The following MMRN1 variants were observed in gnomAD, a reference collection of about 807,000 sequenced individuals.
MMRN1 encodes multimerin-1.
A neutral mutation model predicts 100.7 loss-of-function variants in MMRN1; 94 were observed. That is an observed-to-expected ratio of 0.93 (90% confidence interval 0.79 to 1.11). MMRN1 has a LOEUF of 1.11. MMRN1 is among the 50% of genes least tolerant of loss of function. MMRN1 has a pLI of 0.00. For missense variants in MMRN1, 1,606 were observed against 1,439.1 expected (o/e 1.12, Z -1.88); for synonymous variants, 575 against 505.0 (o/e 1.14, Z -1.86).
intron 3 of MMRN1, among the ~76,000 whole-genome samples, chr4:89,917,477 C>T (rs983395484): frequency 1.3e-4 from 19 of 151,850 alleles, no homozygotes; most frequent in African/African-American, 4.6e-4. Flanking sequence ...GTATATAAAT[C>T]AAAAATTAAG....
intron 3 of MMRN1, among the ~76,000 whole-genome samples, chr4:89,918,579 T>C (rs1721993365): frequency 6.6e-6 from 1 of 151,900 alleles, no homozygotes; most frequent in Non-Finnish European, 1.5e-5. Flanking sequence ...TTTTATTGTC[T>C]CTTCTTTATT....
At chr4:89,939,111 A>T (rs988133731) in intron 6 of MMRN1, among the ~76,000 whole-genome samples, 2 of 152,128 alleles carry the variant, frequency 1.3e-5, no homozygotes, top group African/African-American at 4.8e-5. Context: ...TCCTGTAAGA[A>T]TAGAACAATT....
chr4:89,936,278 G>A lies in MMRN1; in HGVS notation c.2598G>A (p.Glu866=), dbSNP rs745778674. ...KNFETRLQDI[E]SKVTQTLIPY... is the part of the protein sequence containing the mutation. ...TTGAGACTCGGTTGCAAGACATTGA[G>A]TCTAAAGTTACCCAGACGCTCATAC... The change falls in exon 6 of 8, where the codon GAG becomes GAA. Residue 866 remains glutamate (E), a synonymous_variant. Transcript: ENST00000264790. 6.2e-7 allele frequency: 1 copy of A among 1,610,302 alleles called. No individual in the cohort carries two copies. The highest frequency in any genetic ancestry group is 1.7e-5 in the Admixed American group (1 of 59,338).
At chr4:89,923,029 G>T (rs920337531) in intron 3 of MMRN1, 139 bp from the exon 4 acceptor site, 4 of 685,078 alleles carry the variant, frequency 5.8e-6, no homozygotes, top group Non-Finnish European at 1.0e-5. Flanking sequence ...GGGCGGAGCA[G>T]CTTACTCTGC....
chr4:89,948,967 C>A (rs1578506820), intron 6 of MMRN1, among the ~76,000 whole-genome samples: 1 of 151,980 alleles, frequency 6.6e-6, no homozygotes, highest in Non-Finnish European at 1.5e-5. Context: ...TAAGTGTAGC[C>A]CTACTCCAGA....
At chr4:89,891,823 T>C (rs1721061789), upstream of MMRN1, among the ~76,000 whole-genome samples, 3 of 152,032 alleles carry the variant, frequency 2.0e-5, no homozygotes, top group South Asian at 6.2e-4. Context: ...AATAGGAATT[T>C]CTCATGTGAA....
At chr4:89,911,857 G>T in intron 2 of MMRN1, 87 bp from the exon 3 acceptor site, 1 of 832,858 alleles carries the variant, frequency 1.2e-6, no homozygotes, top group South Asian at 1.6e-5. Flanking sequence ...TGTAGGCATT[G>T]CCCCAAAAAC....
intron 1 of MMRN1, among the ~76,000 whole-genome samples, chr4:89,898,812 G>A (rs931212157): frequency 2.0e-5 from 3 of 151,912 alleles, no homozygotes; most frequent in Admixed American, 6.6e-5. Flanking sequence ...CTTTCTAATC[G>A]CTCCTACAGG....
intron 7 of MMRN1, among the ~76,000 whole-genome samples, chr4:89,951,979 T>C (rs1723193717): frequency 6.6e-6 from 1 of 152,174 alleles, no homozygotes; most frequent in South Asian, 2.1e-4. Flanking sequence ...TCAATATTGC[T>C]ATATAGAGGC....
chr4:89,899,598 T>C (rs1721317168), intron 1 of MMRN1, among the ~76,000 whole-genome samples: 1 of 152,042 alleles, frequency 6.6e-6, no homozygotes, highest in Admixed American at 6.6e-5. Flanking sequence ...CCTGAGAGGA[T>C]AATAGGTGAA....
intron 6 of MMRN1, among the ~76,000 whole-genome samples, chr4:89,945,152 A>G (rs1303100664): frequency 2.6e-5 from 4 of 152,136 alleles, no homozygotes; most frequent in African/African-American, 4.8e-5. Flanking sequence ...TTCATGTAAC[A>G]TATCTGAGAT....
At chr4:89,902,776 T>C (rs1175802774) in intron 1 of MMRN1, among the ~76,000 whole-genome samples, 1 of 150,540 alleles carries the variant, frequency 6.6e-6, no homozygotes, top group African/African-American at 2.4e-5. Flanking sequence ...TAAATCAAAG[T>C]ATCTAAAATT....
chr4:89,940,506 A>G (rs1273867158), intron 6 of MMRN1, among the ~76,000 whole-genome samples: 3 of 152,106 alleles, frequency 2.0e-5, no homozygotes, highest in African/African-American at 7.2e-5. Context: ...ACTGTCTTAT[A>G]TCACATTGAA....
intron 4 of MMRN1, among the ~76,000 whole-genome samples, chr4:89,926,790 T>C (rs1722278277): frequency 6.6e-6 from 1 of 152,152 alleles, no homozygotes; most frequent in African/African-American, 2.4e-5. Flanking sequence ...GCTAATCCTT[T>C]TTTATTTGAT....
chr4:89,935,443 TC>T lies in MMRN1; in HGVS notation c.1764del (p.Arg589GlufsTer29). 4 of 1,613,514 alleles carry T rather than the reference TC, an allele frequency of 2.5e-6. No homozygotes were observed. The highest frequency in any genetic ancestry group is 3.4e-6 in the Non-Finnish European group (4 of 1,179,758). On this transcript the variant is annotated frameshift_variant, in exon 6 of 8. Transcript: ENST00000264790. LOFTEE classifies it high-confidence loss of function. ...TCTTTGGAGATGGAGAAAGAGTCTC[TC>T]AGAGGTGAATGTGAAGACATGTTAT... ...TVSLEMEKES[L>X]RGECEDMLSK...
chr4:89,916,320 G>A (rs1721914254), intron 3 of MMRN1, among the ~76,000 whole-genome samples: 1 of 148,570 alleles, frequency 6.7e-6, no homozygotes, highest in Non-Finnish European at 1.5e-5. Context: ...ATGCTTAATA[G>A]TTGTTTCTTT....
At chr4:89,922,658 G>A (rs1424049595) in intron 3 of MMRN1, among the ~76,000 whole-genome samples, 1 of 152,026 alleles carries the variant, frequency 6.6e-6, no homozygotes, top group South Asian at 2.1e-4. Context: ...TCCAGTTTGA[G>A]ACTATCAAAA....
chr4:89,879,995 G>T (rs991208065), intron 1 of MMRN1, among the ~76,000 whole-genome samples: 7 of 152,162 alleles, frequency 4.6e-5, no homozygotes, highest in Non-Finnish European at 1.0e-4. Context: ...TAATTTTACA[G>T]ATATTCTGAC....
In MMRN1 at chr4:89,911,958, C is replaced by CTAGAT; in HGVS notation, c.758_759insTAGAT (p.Asn254ArgfsTer31). The CTAGAT allele has an allele frequency of 6.3e-7, 1 of 1,597,122 alleles. No individual in the cohort carries two copies. Among genetic ancestry groups the CTAGAT allele is most frequent in the Non-Finnish European group, 8.6e-7 (1 of 1,168,296 alleles). ...CAACTCTCTAGATCTCAGAAGATAT[C>CTAGAT]CAATCCTGTCTATAGGATGCAACAT... On this transcript the variant is annotated frameshift_variant, in exon 3 of 8. Transcript: ENST00000264790. LOFTEE classifies it high-confidence loss of function.
Sources: allele counts gnomAD v4.1 joint callset (sites outside exome capture counted in the v4.1 genomes callset), GRCh38; gene constraint gnomAD v4.1.1; transcripts MANE v1.5; gene names NCBI Gene and HGNC (gene_info 2026-07-23, HGNC 2026-07-21).